ZFPM2: variants seen among roughly 807,000 people sequenced by gnomAD.
ZFPM2 encodes the protein zinc finger protein ZFPM2.
In ZFPM2, 20 loss-of-function variants were observed where a neutral mutation model predicts 98.6. That is an observed-to-expected ratio of 0.20 (90% confidence interval 0.14 to 0.29). The LOEUF (loss-of-function observed/expected upper bound fraction) is 0.29, where lower values mean the gene tolerates loss of function less well. Among genes scored for constraint, ZFPM2 ranks in the 10% least tolerant of loss-of-function variants. The pLI is 1.00. For synonymous variants in ZFPM2, 518 were observed against 502.7 expected (o/e 1.03, Z -0.41); for missense variants, 1,310 against 1,388.6 (o/e 0.94, Z 0.90).
At chr8:105,413,482 T>TTATATATATATATATATATA (rs200856542) in intron 1 of ZFPM2, among the ~76,000 whole-genome samples, 4 of 140,014 alleles carry the variant, frequency 2.9e-5, no homozygotes, top group African/African-American at 7.9e-5. Context: ...AATTCAAACA[T>TTATATATATATATATATATA]TATATATATA....
intron 1 of ZFPM2, among the ~76,000 whole-genome samples, chr8:105,321,602 T>C (rs1433127465): frequency 6.6e-6 from 1 of 152,160 alleles, no homozygotes; most frequent in African/African-American, 2.4e-5. Context: ...GGGCACAGTT[T>C]TTTTTTTCTT....
At chr8:105,383,361 A>G (rs1810924079) in intron 1 of ZFPM2, among the ~76,000 whole-genome samples, 1 of 152,192 alleles carries the variant, frequency 6.6e-6, no homozygotes, top group Non-Finnish European at 1.5e-5. Flanking sequence ...TTCTAGTCAT[A>G]GAAAGCATAC....
intron 3 of ZFPM2, among the ~76,000 whole-genome samples, chr8:105,474,525 T>A (rs1390887920): frequency 1.3e-5 from 2 of 152,104 alleles, no homozygotes; most frequent in African/African-American, 2.4e-5. Context: ...TTTTCCTGTC[T>A]TTTCATAAGG....
intron 7 of ZFPM2, among the ~76,000 whole-genome samples, chr8:105,799,416 T>C (rs1297344915): frequency 1.3e-5 from 2 of 152,208 alleles, no homozygotes; most frequent in Non-Finnish European, 2.9e-5. Flanking sequence ...ATGTTTACTT[T>C]TAAATATGGA....
At chr8:105,749,662 G>GT (rs199968882) in intron 5 of ZFPM2, among the ~76,000 whole-genome samples, 33 of 150,568 alleles carry the variant, frequency 2.2e-4, no homozygotes, top group Admixed American at 1.6e-3. Context: ...ATATTGCTTT[G>GT]TTTTTTTTTA....
At chr8:105,390,558 G>T (rs1811087220) in intron 1 of ZFPM2, among the ~76,000 whole-genome samples, 1 of 151,916 alleles carries the variant, frequency 6.6e-6, no homozygotes, top group Non-Finnish European at 1.5e-5. Flanking sequence ...TTGACTCTTT[G>T]CCAACATGAT....
At chr8:105,651,395 A>G (rs1361504901) in intron 5 of ZFPM2, among the ~76,000 whole-genome samples, 2 of 151,314 alleles carry the variant, frequency 1.3e-5, no homozygotes, top group African/African-American at 4.9e-5. Context: ...TTGAACCTGG[A>G]AGTTGGAGGT....
chr8:105,528,998 C>T (rs979259695), intron 3 of ZFPM2: 1 of 152,170 alleles, frequency 6.6e-6, no homozygotes, highest in African/African-American at 2.4e-5. Flanking sequence ...TTAGTTTATT[C>T]TAGAGCTTCC....
chr8:105,542,760 A>G (rs957803303), intron 3 of ZFPM2, among the ~76,000 whole-genome samples: 2 of 152,200 alleles, frequency 1.3e-5, no homozygotes, highest in African/African-American at 4.8e-5. Context: ...GAAATAGTCC[A>G]AGGAGATTCC....
intron 3 of ZFPM2, among the ~76,000 whole-genome samples, chr8:105,492,185 G>C (rs1340075559): frequency 6.6e-6 from 1 of 152,120 alleles, no homozygotes; most frequent in Non-Finnish European, 1.5e-5. Context: ...GCGTTTTTAA[G>C]CTCTGCATTA....
At chr8:105,369,927 A>G (rs557663118) in intron 1 of ZFPM2, among the ~76,000 whole-genome samples, 11 of 152,246 alleles carry the variant, frequency 7.2e-5, no homozygotes, top group African/African-American at 2.2e-4. Flanking sequence ...GTATGTATCT[A>G]TGTGTTTGTG....
rs1489543880 is a variant in ZFPM2 at position 105,732,607 on chromosome 8, C to T, written c.533-56111C>T. Among the ~76,000 whole-genome samples the T allele has an allele frequency of 2.0e-5, 3 of 151,792 alleles. No individual in the cohort carries two copies. The East Asian group carries it at 5.8e-4, about 30-fold the overall frequency. On this transcript the variant is annotated intron_variant, in intron 5 of 7. Transcript: ENST00000407775. ...CATTAGGAGAAGACATCAAATCTTC[C>T]AGAATTTAGCAATTTCATTTTTGGA...
At chr8:105,538,157 G>C (rs1233770367) in intron 3 of ZFPM2, among the ~76,000 whole-genome samples, 1 of 151,924 alleles carries the variant, frequency 6.6e-6, no homozygotes, top group Non-Finnish European at 1.5e-5. Context: ...GTTTGGTACA[G>C]TCTGCACATA....
intron 5 of ZFPM2, among the ~76,000 whole-genome samples, chr8:105,773,555 T>C (rs1813030951): frequency 6.6e-6 from 1 of 151,902 alleles, no homozygotes. Context: ...TATTTTAGAA[T>C]AGACTATCAT....
At chr8:105,460,332 CA>C (rs562065926) in intron 3 of ZFPM2, among the ~76,000 whole-genome samples, 44 of 152,166 alleles carry the variant, frequency 2.9e-4, no homozygotes, top group African/African-American at 1.0e-3. Context: ...TTGCTTGAGG[CA>C]AAATTGGGGA....
chr8:105,700,400 A>G (rs573061312), intron 5 of ZFPM2, among the ~76,000 whole-genome samples: 21 of 152,356 alleles, frequency 1.4e-4, no homozygotes, highest in African/African-American at 4.8e-4. Flanking sequence ...CCAAAATAGC[A>G]CTAGTTACTG....
chr8:105,346,037 G>C (rs1386198883), intron 1 of ZFPM2, among the ~76,000 whole-genome samples: 1 of 151,844 alleles, frequency 6.6e-6, no homozygotes, highest in African/African-American at 2.4e-5. Flanking sequence ...TTAAAAATAA[G>C]GAAAGAAAAA....
At chr8:105,517,485 A>T (rs1375806966) in intron 3 of ZFPM2, among the ~76,000 whole-genome samples, 2 of 152,136 alleles carry the variant, frequency 1.3e-5, no homozygotes, top group East Asian at 3.9e-4. Flanking sequence ...ATGATTACCA[A>T]CATCAAGCTA....
chr8:105,799,371 C>T (rs1327677099), intron 7 of ZFPM2, among the ~76,000 whole-genome samples: 1 of 152,136 alleles, frequency 6.6e-6, no homozygotes. Flanking sequence ...TAAAGCTACT[C>T]TATTGATAGA....
Sources: gnomAD v4.1 joint callset for allele counts (sites outside exome capture counted in the v4.1 genomes callset) on GRCh38, gnomAD v4.1.1 for gene constraint, MANE v1.5 for transcripts, NCBI Gene and HGNC (gene_info 2026-07-23, HGNC 2026-07-21) for gene names.